Variants in ATF7 observed in about 807,000 individuals in gnomAD.
ATF7 encodes cyclic AMP-dependent transcription factor ATF-7.
Under a neutral mutation model 50.4 loss-of-function variants are expected in ATF7, and 10 were observed. That is an observed-to-expected ratio of 0.20 (90% CI 0.12 to 0.34). The LOEUF (loss-of-function observed/expected upper bound fraction) is 0.34. ATF7 is among the 10% of genes least tolerant of loss of function. ATF7 has a pLI of 1.00. For synonymous variants in ATF7, 201 were observed against 226.4 expected, an observed-to-expected ratio of 0.89 and a Z score of 1.01; for missense variants, 465 against 613.9, an observed-to-expected ratio of 0.76 and a Z score of 2.56.
intron 1 of ATF7, among the ~76,000 whole-genome samples, chr12:53,609,821 C>CTTTTTT (rs757421100): frequency 1.5e-4 from 17 of 115,938 alleles, no homozygotes; most frequent in African/African-American, 5.4e-4. Context: ...AAATGTTATG[C>CTTTTTT]TTTTTTTTTT....
At chr12:53,544,836 A>C (rs191676592) in intron 3 of ATF7, among the ~76,000 whole-genome samples, 2 of 152,306 alleles carry the variant, frequency 1.3e-5, no homozygotes. Flanking sequence ...GAAACAGCAC[A>C]ATTTTTATAA....
At chr12:53,542,439 A>G (rs1025520408) in intron 4 of ATF7, among the ~76,000 whole-genome samples, 5 of 151,618 alleles carry the variant, frequency 3.3e-5, no homozygotes, top group African/African-American at 9.7e-5. Flanking sequence ...AAAAAAAAAA[A>G]AGAGAGAGAT....
intron 2 of ATF7, among the ~76,000 whole-genome samples, chr12:53,598,809 T>G (rs542975629): frequency 6.6e-6 from 1 of 152,304 alleles, no homozygotes; most frequent in East Asian, 1.9e-4. Context: ...TGCAAAGTCC[T>G]TGTCTGGGTT....
chr12:53,577,808 G>T (rs1045790397), intron 2 of ATF7, among the ~76,000 whole-genome samples: 1 of 150,646 alleles, frequency 6.6e-6, no homozygotes, highest in Non-Finnish European at 1.5e-5. Context: ...AACTAAAAAT[G>T]TCCCCCCAAA....
chr12:53,517,014 C>T lies in ATF7; in HGVS notation c.*123G>A. The T allele has an allele frequency of 9.0e-7, 1 of 1,106,488 alleles. No homozygotes were observed. The highest frequency in any genetic ancestry group is 1.4e-5 in the South Asian group (1 of 70,090). 68.5% of individuals were successfully genotyped at this position (1,106,488 alleles called of 1,614,324 possible). On this transcript the variant is annotated 3_prime_UTR_variant, in exon 12 of 12. Coordinates refer to ENST00000420353, the MANE Select transcript of ATF7 (RefSeq NM_006856.3). ...AAGCCCCATATCTGTCCATTACTCA[C>T]AACACACAATTCCCCCCACCCATAT... is the stretch of plus-strand genomic sequence containing the variant.
chr12:53,608,179 C>T (rs1028508813), intron 1 of ATF7, among the ~76,000 whole-genome samples: 3 of 146,156 alleles, frequency 2.1e-5, no homozygotes, highest in Admixed American at 2.1e-4. Flanking sequence ...GAGATTGTGC[C>T]ACTGCGCTCC....
At chr12:53,523,433 C>A in intron 10 of ATF7, 49 bp from the exon 11 acceptor site, 1 of 1,349,608 alleles carries the variant, frequency 7.4e-7, no homozygotes, top group Non-Finnish European at 1.1e-6. Flanking sequence ...ATCCTCTACT[C>A]TTGCACCCTC....
intron 1 of ATF7, among the ~76,000 whole-genome samples, chr12:53,604,041 T>C (rs1943506586): frequency 6.6e-6 from 1 of 152,204 alleles, no homozygotes; most frequent in African/African-American, 2.4e-5. Context: ...TGGCACTCAG[T>C]GTGTCATCTC....
chr12:53,552,245 T>A (rs1202721772), intron 3 of ATF7, among the ~76,000 whole-genome samples: 1 of 152,138 alleles, frequency 6.6e-6, no homozygotes, highest in Non-Finnish European at 1.5e-5. Context: ...TCTGTAAATC[T>A]TTCAAAGTCT....
chr12:53,562,523 A>G (rs888897536), intron 2 of ATF7, among the ~76,000 whole-genome samples: 2 of 152,022 alleles, frequency 1.3e-5, no homozygotes, highest in African/African-American at 4.8e-5. Flanking sequence ...CGCACCTGTA[A>G]TCCCAGCTAC....
rs1361436654 is a variant in ATF7 at position 53,514,514 on chromosome 12, T to G, written c.*2623A>C. ...AAGTTACCTTTGACTATCAGAGAAG[T>G]TTCAGGGCAGCAATTATTCTGCCTC... On this transcript the variant is annotated 3_prime_UTR_variant, in exon 12 of 12. Coordinates refer to ENST00000420353, the MANE Select transcript of ATF7 (RefSeq NM_006856.3). 4 of 152,086 alleles carry G rather than the reference T, an allele frequency of 2.6e-5. No homozygotes were observed. The highest frequency in any genetic ancestry group is 4.4e-5 in the Non-Finnish European group (3 of 68,002). The allele number at this position is 152,086 out of a possible 1,614,324, so 9.4% of individuals were successfully genotyped here. A position where few individuals can be genotyped will look rare whatever the true frequency, so the allele number is the denominator to read the frequency against.
rs1937712036 is a variant in ATF7, at chr12:53,516,560, A to C, written c.*577T>G. ...CTTCATACATCAAAGGTAACCTTAC[A>C]TTCTCCGTAAGTGAATGTTTTAACT... On this transcript the variant is annotated 3_prime_UTR_variant, in exon 12 of 12. Transcript: ENST00000420353. The C allele has an allele frequency of 6.5e-6, 1 of 154,482 alleles. No homozygotes were observed. Among genetic ancestry groups the C allele is most frequent in the Non-Finnish European group, 1.4e-5 (1 of 69,206 alleles). The allele number at this position is 154,482 out of a possible 1,614,324, so 9.6% of individuals were successfully genotyped here. A position where few individuals can be genotyped will look rare whatever the true frequency, so the allele number is the denominator to read the frequency against.
chr12:53,576,693 T>C lies in ATF7; in HGVS notation c.49-24056A>G, dbSNP rs189219118. On this transcript the variant is annotated intron_variant, in intron 2 of 11. Transcript: ENST00000420353. ...ACAACTGTGAGAAAATAAATTTCTG[T>C]TCTTTATAAAACAAACAAACAAACA... Among the ~76,000 whole-genome samples the C allele has an allele frequency of 3.0e-4, 46 of 152,120 alleles. No homozygotes were observed. In the East Asian group the frequency reaches 8.5e-3, roughly 28 times the overall value.
intron 2 of ATF7, among the ~76,000 whole-genome samples, chr12:53,558,903 G>C (rs1940916914): frequency 6.6e-6 from 1 of 152,070 alleles, no homozygotes; most frequent in East Asian, 1.9e-4. Context: ...TTTCTAGTAA[G>C]TTTTACTCTC....
At chr12:53,529,708 C>CAT (rs1565924148) in intron 9 of ATF7, among the ~76,000 whole-genome samples, 17 of 129,602 alleles carry the variant, frequency 1.3e-4, no homozygotes, top group East Asian at 7.4e-4. Flanking sequence ...TATATATACA[C>CAT]ATACACACAC....
intron 2 of ATF7, among the ~76,000 whole-genome samples, chr12:53,582,202 G>A (rs1398915453): frequency 6.6e-5 from 10 of 151,550 alleles, no homozygotes; most frequent in Admixed American, 2.0e-4. Flanking sequence ...GGTGGCGCGC[G>A]CCTGTAATCC....
At position 53,600,874 on chromosome 12, in the gene ATF7, T is replaced by C. The variant is rs555034418; in HGVS notation, c.48+79A>G. On this transcript the variant is annotated intron_variant, in intron 2 of 11. Coordinates refer to ENST00000420353, the MANE Select transcript of ATF7 (RefSeq NM_006856.3). ...CAGTGATCACGTAAAATACTGGCTT[T>C]AAACTCTTTGCCTTAGTGATAAAAC... The C allele has an allele frequency of 1.2e-5, 17 of 1,426,864 alleles. No homozygotes were observed. The South Asian group carries it at 1.9e-4, about 16-fold the overall frequency. 88.4% of individuals were successfully genotyped at this position (1,426,864 alleles called of 1,614,324 possible).
intron 1 of ATF7, among the ~76,000 whole-genome samples, chr12:53,616,732 C>T (rs1215736190): frequency 2.0e-5 from 3 of 151,610 alleles, no homozygotes; most frequent in Admixed American, 2.0e-4. Flanking sequence ...TGCCTGAGCT[C>T]AGGAGTTCGA....
chr12:53,515,327 T>C lies in ATF7; in HGVS notation c.*1810A>G, dbSNP rs1455050044. 3 of 152,204 alleles carry C rather than the reference T, an allele frequency of 2.0e-5. No homozygotes were observed. The highest frequency in any genetic ancestry group is 6.5e-5 in the Admixed American group (1 of 15,274). The allele number at this position is 152,204 out of a possible 1,614,324, so 9.4% of individuals were successfully genotyped here. A position where few individuals can be genotyped will look rare whatever the true frequency, so the allele number is the denominator to read the frequency against. On this transcript the variant is annotated 3_prime_UTR_variant, in exon 12 of 12. Transcript: ENST00000420353. ...ACATTTTCTCATTCCCCTGTGACAGTCAATTTTGGAGACAAAATAAGAAAG... is the reference window on the plus strand; with the variant it reads ...ACATTTTCTCATTCCCCTGTGACAGCCAATTTTGGAGACAAAATAAGAAAG...
Sources: gnomAD v4.1 joint callset for allele counts (sites outside exome capture counted in the v4.1 genomes callset) on GRCh38, gnomAD v4.1.1 for gene constraint, MANE v1.5 for transcripts, NCBI Gene and HGNC (gene_info 2026-07-23, HGNC 2026-07-21) for gene names.